AP4M1: variants seen among roughly 807,000 people sequenced by gnomAD.
The protein encoded by AP4M1 is AP-4 complex subunit mu-1.
In AP4M1, 58 loss-of-function variants were observed where a neutral mutation model predicts 62.4. The observed-to-expected ratio is 0.93, with a 90% CI of 0.75 to 1.16. The LOEUF is 1.16. AP4M1 is among the 50% of genes most tolerant of loss of function. AP4M1 has a pLI of 0.00. For missense variants in AP4M1, 626 were observed against 585.4 expected (o/e 1.07, Z -0.72); for synonymous variants, 290 against 239.7 (o/e 1.21, Z -1.94).
Position 100,106,222 on chromosome 7 carries a change from G to C in AP4M1, c.975-19G>C. ...ACTGTGCCTTCCTGGGGCTGACTTTGTTCCCGTCTCCTCTGTAGCCAAGCC... is the reference window on the plus strand; with the variant it reads ...ACTGTGCCTTCCTGGGGCTGACTTTCTTCCCGTCTCCTCTGTAGCCAAGCC... On this transcript the variant is annotated intron_variant, in intron 12 of 14. Coordinates refer to ENST00000359593, the MANE Select transcript of AP4M1 (RefSeq NM_004722.4). 6.2e-7 allele frequency: 1 copy of C among 1,614,064 alleles called. No homozygotes were observed. Among genetic ancestry groups the C allele is most frequent in the Non-Finnish European group, 8.5e-7 (1 of 1,179,990 alleles).
At chr7:100,102,345 C>G (rs1454040327) in intron 2 of AP4M1, 2 of 512,114 alleles carry the variant, frequency 3.9e-6, no homozygotes, top group Non-Finnish European at 3.5e-6. Flanking sequence ...GAGCCGAGAT[C>G]CGGACACCGC....
At chr7:100,102,282 T>C in intron 2 of AP4M1, 1 of 545,156 alleles carries the variant, frequency 1.8e-6, no homozygotes, top group South Asian at 1.9e-5. Flanking sequence ...TCCCATCTAC[T>C]CGGGAAGCTG....
At chr7:100,103,918 T>C (rs1796266726) in intron 6 of AP4M1, among the ~76,000 whole-genome samples, 174 bp from the exon 7 acceptor site, 1 of 149,756 alleles carries the variant, frequency 6.7e-6, no homozygotes, top group Admixed American at 6.7e-5. Context: ...AAAAAGATCT[T>C]GGCACATCTC....
chr7:100,106,609 G>A (rs368980165), intron 14 of AP4M1, 49 bp from the exon 15 acceptor site: 21 of 1,120,354 alleles, frequency 1.9e-5, no homozygotes, highest in African/African-American at 8.7e-5. Flanking sequence ...TTCCCCCAGC[G>A]TGGTCAGCTT....
chr7:100,102,936 A>G lies in AP4M1; in HGVS notation c.327A>G (p.Val109=). Residue 109 remains valine (V), a synonymous_variant, in exon 4 of 15, where the codon GTA becomes GTG. Transcript: ENST00000359593. ...CCATCTCCCGCAATGTGGCTCTGGTATACGAACTCCTGGATGAAGTGCTGG... is the reference window on the plus strand; with the variant it reads ...CCATCTCCCGCAATGTGGCTCTGGTGTACGAACTCCTGGATGAAGTGCTGG... ...EGTISRNVAL[V]YELLDEVLDY... is the part of the protein sequence containing the mutation. The G allele has an allele frequency of 6.2e-7, 1 of 1,614,044 alleles. No individual in the cohort carries two copies. The highest frequency in any genetic ancestry group is 8.5e-7 in the Non-Finnish European group (1 of 1,180,002).
intron 11 of AP4M1, 137 bp downstream of exon 11, chr7:100,105,676 G>A: frequency 3.2e-6 from 3 of 948,712 alleles, no homozygotes; most frequent in Non-Finnish European, 4.9e-6. Flanking sequence ...GTTGCGGCCG[G>A]TGGCTCACAC....
chr7:100,106,977 A>C lies in AP4M1; in HGVS notation c.*95A>C. ...CAGCCTCCTGGCCTTCGGACTCTGA[A>C]TCTGGGCAGGAAGAGTCCTCAGTCC... On this transcript the variant is annotated 3_prime_UTR_variant, in exon 15 of 15. Transcript: ENST00000359593. 1 of 1,419,444 alleles carries C rather than the reference A, an allele frequency of 7.0e-7. No homozygotes were observed. Among genetic ancestry groups the C allele is most frequent in the East Asian group, 2.5e-5 (1 of 40,388 alleles). 87.9% of individuals were successfully genotyped at this position (1,419,444 alleles called of 1,614,324 possible).
At position 100,107,176 on chromosome 7, in the gene AP4M1, A is replaced by G. The variant is rs1796591208; in HGVS notation, c.*294A>G. The G allele has an allele frequency of 6.6e-7, 1 of 1,515,514 alleles. No homozygotes were observed. The highest frequency in any genetic ancestry group is 8.8e-7 in the Non-Finnish European group (1 of 1,133,996). The allele number at this position is 1,515,514 out of a possible 1,614,324, so 93.9% of individuals were successfully genotyped here. ...TACAACTTCCTTCCGCTTAGCGAGCATGCATGTGTGTACGTGCACGTGTGT... is the reference window on the plus strand; with the variant it reads ...TACAACTTCCTTCCGCTTAGCGAGCGTGCATGTGTGTACGTGCACGTGTGT... On this transcript the variant is annotated 3_prime_UTR_variant, in exon 15 of 15. Transcript: ENST00000359593.
Position 100,108,696 on chromosome 7 carries a change from G to A in AP4M1, c.*1814G>A. ...CCCCTGTTGAAGGCCAAATTATGCTGAACTATTAGTGTGTGTACAGAACAC... is the reference window on the plus strand; with the variant it reads ...CCCCTGTTGAAGGCCAAATTATGCTAAACTATTAGTGTGTGTACAGAACAC... On this transcript the variant is annotated 3_prime_UTR_variant, in exon 15 of 15. Transcript: ENST00000359593. 1 of 714,344 alleles carries A rather than the reference G, an allele frequency of 1.4e-6. No homozygotes were observed. The highest frequency in any genetic ancestry group is 2.3e-6 in the Non-Finnish European group (1 of 440,126). 44.3% of individuals were successfully genotyped at this position (714,344 alleles called of 1,614,324 possible).
intron 2 of AP4M1, 140 bp downstream of exon 2, chr7:100,102,108 C>A: frequency 2.1e-6 from 2 of 932,138 alleles, no homozygotes; most frequent in Non-Finnish European, 3.4e-6. Context: ...AGGCCCGGCG[C>A]GGTGGCTCAC....
At chr7:100,103,550 AG>A in intron 5 of AP4M1, 31 bp downstream of exon 5, 1 of 1,613,848 alleles carries the variant, frequency 6.2e-7, no homozygotes, top group Non-Finnish European at 8.5e-7. Flanking sequence ...GGGTGAGGAA[AG>A]AGAAGAGGGG....
upstream of AP4M1, chr7:100,101,365 C>T (rs1796019235): frequency 3.1e-6 from 5 of 1,600,706 alleles, no homozygotes; most frequent in African/African-American, 2.7e-5. Flanking sequence ...TGAGAATCTC[C>T]GCGCGGTGGA....
Position 100,107,541 on chromosome 7 carries a change from G to C in AP4M1, c.*659G>C. 1 of 1,614,090 alleles carries C rather than the reference G, an allele frequency of 6.2e-7. No homozygotes were observed. The highest frequency in any genetic ancestry group is 8.5e-7 in the Non-Finnish European group (1 of 1,179,998). ...GGCGGTGGAGACCAACTTGACGATGGGCTGCACGCTGGGGACGGTGGTGGT... is the reference window on the plus strand; with the variant it reads ...GGCGGTGGAGACCAACTTGACGATGCGCTGCACGCTGGGGACGGTGGTGGT... On this transcript the variant is annotated 3_prime_UTR_variant, in exon 15 of 15. Coordinates refer to ENST00000359593, the MANE Select transcript of AP4M1 (RefSeq NM_004722.4).
Position 100,108,139 on chromosome 7 carries a change from G to T in AP4M1, c.*1257G>T, listed in dbSNP as rs1554383985. 1.1e-5 allele frequency: 17 copies of T among 1,581,384 alleles called. No homozygotes were observed. Among genetic ancestry groups the T allele is most frequent in the Non-Finnish European group, 1.4e-5 (16 of 1,168,046 alleles). ...TGGGCCGGGGCTGCGGGGAGAAGAG[G>T]AAAGGGGGAAGTGGCACCATCTACT... On this transcript the variant is annotated 3_prime_UTR_variant, in exon 15 of 15. Coordinates refer to ENST00000359593, the MANE Select transcript of AP4M1 (RefSeq NM_004722.4).
chr7:100,106,289 C>T lies in AP4M1; in HGVS notation c.1023C>T (p.Val341=), dbSNP rs546004699. ...ACCTCCCCCTGCCTCGAGGGGTGGT[C>T]AGGTGAGTGTGTGCACCCACCACGG... The part of the protein sequence containing the change: ...RLHLPLPRGV[V]SLSQELSSPE... The change falls in exon 13 of 15, where the codon GTC becomes GTT. Residue 341 remains valine (V), a splice_region_variant and synonymous_variant. Transcript: ENST00000359593. 34 of 1,614,006 alleles carry T rather than the reference C, an allele frequency of 2.1e-5. No individual in the cohort carries two copies. In the South Asian group the frequency reaches 3.4e-4, roughly 16 times the overall value.
intron 11 of AP4M1, among the ~76,000 whole-genome samples, 176 bp downstream of exon 11, chr7:100,105,715 G>A (rs1796411363): frequency 6.6e-6 from 1 of 152,040 alleles, no homozygotes; most frequent in Non-Finnish European, 1.5e-5. Flanking sequence ...GGGAGGCTGA[G>A]GCGGGAGGAT....
chr7:100,104,035 C>A, intron 6 of AP4M1, 57 bp from the exon 7 acceptor site: 3 of 1,472,956 alleles, frequency 2.0e-6, no homozygotes, highest in African/African-American at 1.4e-5. Context: ...CCTGTCTGTC[C>A]ATTTCAGAAC....
intron 2 of AP4M1, 102 bp from the exon 3 acceptor site, chr7:100,102,573 G>A (rs555051180): frequency 7.1e-6 from 7 of 979,616 alleles, no homozygotes; most frequent in African/African-American, 6.4e-5. Context: ...CACTGCTGTT[G>A]TGACTAGTAA....
chr7:100,108,142 AGG>A lies in AP4M1; in HGVS notation c.*1264_*1265del, dbSNP rs771393316. ...GCCGGGGCTGCGGGGAGAAGAGGAA[AGG>A]GGGAAGTGGCACCATCTACTAAGAA... On this transcript the variant is annotated 3_prime_UTR_variant, in exon 15 of 15. Transcript: ENST00000359593. 25 of 1,579,424 alleles carry A rather than the reference AGG, an allele frequency of 1.6e-5. No individual in the cohort carries two copies. The highest frequency in any genetic ancestry group is 1.8e-5 in the Non-Finnish European group (21 of 1,167,086).
Sources: gnomAD v4.1 joint callset for allele counts (sites outside exome capture counted in the v4.1 genomes callset) on GRCh38, gnomAD v4.1.1 for gene constraint, MANE v1.5 for transcripts, NCBI Gene and HGNC (gene_info 2026-07-23, HGNC 2026-07-21) for gene names.